DPY19L3: variants seen among roughly 807,000 people sequenced by gnomAD.
The protein encoded by DPY19L3 is protein C-mannosyl-transferase DPY19L3.
A neutral mutation model predicts 92.3 loss-of-function variants in DPY19L3; 51 were observed. The observed-to-expected ratio is 0.55, with a 90% CI of 0.44 to 0.70. The LOEUF (loss-of-function observed/expected upper bound fraction) is 0.70. Ranked by LOEUF, DPY19L3 falls within the 30% of genes least tolerant of loss-of-function variation. DPY19L3 has a pLI of 0.00. For synonymous variants in DPY19L3, 309 were observed against 315.2 expected (o/e 0.98, Z 0.21); for missense variants, 706 against 855.9 (o/e 0.82, Z 2.18).
chr19:32,480,587 G>T (rs1366307139), intron 18 of DPY19L3, 30 bp downstream of exon 18: 1 of 1,597,268 alleles, frequency 6.3e-7, no homozygotes, highest in East Asian at 2.2e-5. Flanking sequence ...CTGTGTGGGG[G>T]TCTCCTGGAG....
At chr19:32,441,978 T>G (rs1333680286) in intron 8 of DPY19L3, among the ~76,000 whole-genome samples, 2 of 152,206 alleles carry the variant, frequency 1.3e-5, no homozygotes, top group Non-Finnish European at 2.9e-5. Flanking sequence ...GGAGGAACAT[T>G]ATTACAATGA....
At chr19:32,476,542 A>AAG (rs1430556515) in intron 16 of DPY19L3, among the ~76,000 whole-genome samples, 1 of 151,798 alleles carries the variant, frequency 6.6e-6, no homozygotes, top group Non-Finnish European at 1.5e-5. Flanking sequence ...AAAAAAAAAA[A>AAG]AAAAAAGAGG....
At chr19:32,460,413 T>G (rs186126446) in intron 12 of DPY19L3, among the ~76,000 whole-genome samples, 53 of 152,222 alleles carry the variant, frequency 3.5e-4, no homozygotes, top group African/African-American at 1.3e-3. Flanking sequence ...CCTATCTCTA[T>G]TTTTAAAAAA....
At chr19:32,432,859 T>A in intron 4 of DPY19L3, 53 bp downstream of exon 4, 1 of 1,535,946 alleles carries the variant, frequency 6.5e-7, no homozygotes, top group South Asian at 1.1e-5. Flanking sequence ...TTTCAATATT[T>A]TAGTGAGAAG....
At position 32,453,258 on chromosome 19, in the gene DPY19L3, C is replaced by T. The variant is rs1431076117; in HGVS notation, c.969C>T (p.Phe323=). The T allele has an allele frequency of 6.8e-6, 11 of 1,608,078 alleles. No individual in the cohort carries two copies. Among genetic ancestry groups the T allele is most frequent in the Non-Finnish European group, 8.5e-6 (10 of 1,178,706 alleles). Residue 323 remains phenylalanine (F), a synonymous_variant, in exon 9 of 19, where the codon TTC becomes TTT. Coordinates refer to ENST00000392250, the MANE Select transcript of DPY19L3 (RefSeq NM_001172774.2). The part of the protein sequence containing the change: ...SLLISFNLSV[F]IARKLQKNLK... ...TTATCAGTTTTAACCTTTCAGTATT[C>T]ATTGCAAGAAAACTTCAGGTAGGAC...
intron 8 of DPY19L3, among the ~76,000 whole-genome samples, chr19:32,442,217 T>A (rs1173629246): frequency 6.6e-6 from 1 of 152,230 alleles, no homozygotes; most frequent in Non-Finnish European, 1.5e-5. Context: ...TTTTGTCATC[T>A]TTTCATGAAT....
At chr19:32,432,508 G>C (rs1969002344) in intron 3 of DPY19L3, among the ~76,000 whole-genome samples, 2 of 151,964 alleles carry the variant, frequency 1.3e-5, no homozygotes, top group Admixed American at 6.6e-5. Context: ...ATTCACTAAA[G>C]TAGAGAATAG....
chr19:32,413,328 A>G (rs1385866323), intron 3 of DPY19L3: 1 of 152,210 alleles, frequency 6.6e-6, no homozygotes, highest in African/African-American at 2.4e-5. Flanking sequence ...TTGATGACAA[A>G]TCTAATTTAT....
intron 8 of DPY19L3, among the ~76,000 whole-genome samples, chr19:32,446,681 T>C (rs1030973648): frequency 1.3e-5 from 2 of 152,220 alleles, no homozygotes; most frequent in Non-Finnish European, 2.9e-5. Flanking sequence ...ATCCTAAGTG[T>C]ACCTGCACCA....
At chr19:32,448,152 C>T (rs569581775) in intron 8 of DPY19L3, among the ~76,000 whole-genome samples, 22 of 152,216 alleles carry the variant, frequency 1.4e-4, no homozygotes, top group African/African-American at 4.3e-4. Flanking sequence ...GTACTATTTA[C>T]GTGGTAGCCA....
intron 12 of DPY19L3, among the ~76,000 whole-genome samples, chr19:32,462,498 G>A (rs895664308): frequency 2.0e-5 from 3 of 149,716 alleles, no homozygotes; most frequent in African/African-American, 7.6e-5. Flanking sequence ...TCATAACCCC[G>A]TGAAGTGTTC....
intron 8 of DPY19L3, among the ~76,000 whole-genome samples, chr19:32,444,129 T>C (rs1436040513): frequency 6.6e-6 from 1 of 151,224 alleles, no homozygotes; most frequent in Non-Finnish European, 1.5e-5. Context: ...AACACTGAGA[T>C]ACACAGAAAT....
rs1044193497 is a variant in DPY19L3, at chr19:32,484,102, G to A, written c.*1862G>A. 7 of 152,248 alleles carry A rather than the reference G, an allele frequency of 4.6e-5. No individual in the cohort carries two copies. The highest frequency in any genetic ancestry group is 9.7e-5 in the African/African-American group (4 of 41,322). The allele number at this position is 152,248 out of a possible 1,614,324, so 9.4% of individuals were successfully genotyped here. On this transcript the variant is annotated 3_prime_UTR_variant, in exon 19 of 19. Coordinates refer to ENST00000392250, the MANE Select transcript of DPY19L3 (RefSeq NM_001172774.2). ...TACTTAAATTTTTATGCTTATCACC[G>A]CAATGATGGCAAACAGTGATTTTTT...
chr19:32,477,716 TGTGTG>T, intron 17 of DPY19L3, 62 bp downstream of exon 17: 5 of 1,602,402 alleles, frequency 3.1e-6, no homozygotes, highest in South Asian at 1.1e-5. Flanking sequence ...CGTGTCCCTA[TGTGTG>T]GTAAAGATGG....
At position 32,436,440 on chromosome 19, in the gene DPY19L3, CTA is replaced by C. The variant is rs746466080; in HGVS notation, c.329-3_329-2del. On this transcript the variant is annotated splice_region_variant and splice_polypyrimidine_tract_variant and intron_variant, in intron 4 of 18. Transcript: ENST00000392250. ...ATTTTCTTCCTGACTTTTCACATAT[CTA>C]TAGGTTTTCATGGCCTAATATATGA... is the stretch of plus-strand genomic sequence containing the variant. 2.0e-6 allele frequency: 3 copies of C among 1,484,778 alleles called. No homozygotes were observed. In the East Asian group the frequency reaches 6.9e-5, roughly 34 times the overall value. 92.0% of individuals were successfully genotyped at this position (1,484,778 alleles called of 1,614,324 possible).
intron 4 of DPY19L3, among the ~76,000 whole-genome samples, chr19:32,434,218 G>A (rs918722667): frequency 2.3e-4 from 35 of 152,104 alleles, no homozygotes; most frequent in Non-Finnish European, 2.4e-4. Flanking sequence ...GAATACTTTA[G>A]CCTCTGGCAT....
At chr19:32,440,306 T>G (rs911086982) in intron 8 of DPY19L3, among the ~76,000 whole-genome samples, 12 of 152,166 alleles carry the variant, frequency 7.9e-5, no homozygotes, top group Non-Finnish European at 1.6e-4. Context: ...ATAGTCACAT[T>G]TAACTAATAT....
chr19:32,419,457 G>T (rs1489106975), intron 3 of DPY19L3, among the ~76,000 whole-genome samples: 3 of 151,174 alleles, frequency 2.0e-5, no homozygotes, highest in African/African-American at 7.3e-5. Context: ...CACCGTGCCC[G>T]GCCTATTTGT....
chr19:32,422,518 G>A (rs901460129), intron 3 of DPY19L3, among the ~76,000 whole-genome samples: 27 of 152,136 alleles, frequency 1.8e-4, no homozygotes, highest in Middle Eastern at 3.4e-3. Context: ...AATGAAAGGA[G>A]ATTGAATAAA....
Sources: gnomAD v4.1 joint callset for allele counts (sites outside exome capture counted in the v4.1 genomes callset) on GRCh38, gnomAD v4.1.1 for gene constraint, MANE v1.5 for transcripts, NCBI Gene and HGNC (gene_info 2026-07-23, HGNC 2026-07-21) for gene names.